Variants in DYSF observed in about 807,000 individuals in gnomAD.
The protein encoded by DYSF is dystrophy-associated fer-1-like 1.
Under a neutral mutation model 274.9 loss-of-function variants are expected in DYSF, and 212 were observed. The observed-to-expected ratio is 0.77, with a 90% confidence interval of 0.69 to 0.86. DYSF has a LOEUF of 0.86. DYSF is among the 40% of genes least tolerant of loss of function. The probability of loss-of-function intolerance (pLI) is 0.00; values close to 1 mark genes in which losing one functional copy is unlikely to be tolerated. For missense variants in DYSF, 2,666 were observed against 2,783.2 expected (o/e 0.96, Z 0.95); for synonymous variants, 1,091 against 1,078.7 (o/e 1.01, Z -0.22).
In DYSF at chr2:71,518,333, T is replaced by C. The variant is rs567372667; in HGVS notation, c.1002+1294T>C. On this transcript the variant is annotated intron_variant, in intron 10 of 55. Coordinates refer to ENST00000410020, the MANE Select transcript of DYSF (RefSeq NM_001130987.2). Reference sequence around the variant, plus strand: ...GTGCAGTGGTGTGATCTCAGCTCACTGCAACCTCTGCTTCCCAGATTCAAG... The same window carrying C: ...GTGCAGTGGTGTGATCTCAGCTCACCGCAACCTCTGCTTCCCAGATTCAAG... Among the ~76,000 whole-genome samples the C allele has an allele frequency of 4.6e-5, 7 of 150,950 alleles. No individual in the cohort carries two copies. The South Asian group carries it at 1.3e-3, about 27-fold the overall frequency.
In DYSF at chr2:71,667,421, G is replaced by A. The variant is rs531935195; in HGVS notation, c.5363G>A (p.Arg1788His). Residue 1788 changes from arginine (R) to histidine (H), a missense_variant, in exon 48 of 56, where the codon CGT becomes CAT. Arg to His is a conservative substitution (Grantham distance 29). Transcript: ENST00000410020. ...CCACACCTGGGCCCAGTGGAGGAGC[G>A]TCTGGCTCTGCATGTGCTTCAGCAG... The part of the protein sequence containing the change: ...PNPHLGPVEE[R>H]LALHVLQQQG... 2.1e-5 allele frequency: 34 copies of A among 1,613,990 alleles called. No homozygotes were observed. The highest frequency in any genetic ancestry group is 8.9e-5 in the East Asian group (4 of 44,876).
chr2:71,532,854 A>G (rs901854663), intron 14 of DYSF, among the ~76,000 whole-genome samples: 1 of 143,502 alleles, frequency 7.0e-6, no homozygotes, highest in Non-Finnish European at 1.6e-5. Context: ...CTATCTATCT[A>G]TCTATCTATC....
At chr2:71,663,170 C>A (rs1371185389) in intron 45 of DYSF, among the ~76,000 whole-genome samples, 1 of 152,094 alleles carries the variant, frequency 6.6e-6, no homozygotes, top group South Asian at 2.1e-4. Flanking sequence ...GGGGAGAGGG[C>A]CCGTCTCATG....
intron 3 of DYSF, among the ~76,000 whole-genome samples, chr2:71,486,004 ACCT>A (rs1451517791): frequency 6.6e-6 from 1 of 151,966 alleles, no homozygotes; most frequent in Non-Finnish European, 1.5e-5. Context: ...TAAATTGAAG[ACCT>A]CCTCACTGCC....
chr2:71,454,698 G>T (rs1038618321), intron 1 of DYSF, among the ~76,000 whole-genome samples: 13 of 152,228 alleles, frequency 8.5e-5, no homozygotes, highest in African/African-American at 3.1e-4. Flanking sequence ...ACGGACCAGT[G>T]GGTGGAGGGA....
intron 54 of DYSF, 29 bp from the exon 55 acceptor site, chr2:71,682,501 C>T: frequency 6.2e-7 from 1 of 1,614,034 alleles, no homozygotes; most frequent in African/African-American, 1.3e-5. Flanking sequence ...TAAAGGATGC[C>T]CAGTTGACCT....
chr2:71,588,708 A>G (rs2093155363), intron 30 of DYSF: 1 of 152,754 alleles, frequency 6.5e-6, no homozygotes, highest in Non-Finnish European at 1.5e-5. Context: ...CCCCTCTGAA[A>G]TGGAGCAGGC....
At chr2:71,525,963 G>A (rs555212558) in intron 12 of DYSF, among the ~76,000 whole-genome samples, 155 of 152,306 alleles carry the variant, frequency 1.0e-3, no homozygotes, top group African/African-American at 3.6e-3. Context: ...TGTGTGCCAC[G>A]TGCATTTACA....
intron 4 of DYSF, among the ~76,000 whole-genome samples, chr2:71,505,892 G>A (rs2085427711): frequency 6.6e-6 from 1 of 152,246 alleles, no homozygotes; most frequent in Non-Finnish European, 1.5e-5. Context: ...GGTCAGGGAA[G>A]CCAGGAGGGC....
At chr2:71,659,275 G>A (rs752957214) in intron 44 of DYSF, among the ~76,000 whole-genome samples, 2 of 152,234 alleles carry the variant, frequency 1.3e-5, no homozygotes, top group Non-Finnish European at 2.9e-5. Flanking sequence ...GAAGGAATAG[G>A]ACTCTTAGGA....
In DYSF at chr2:71,665,184, G is replaced by A; in HGVS notation, c.5197G>A (p.Asp1733Asn). 1 of 1,613,834 alleles carries A rather than the reference G, an allele frequency of 6.2e-7. No individual in the cohort carries two copies. Among genetic ancestry groups the A allele is most frequent in the Non-Finnish European group, 8.5e-7 (1 of 1,180,030 alleles). The change falls in exon 47 of 56, where the codon GAC becomes AAC. Residue 1733 changes from aspartate (D) to asparagine (N), a missense_variant. By Grantham distance (23) the Asp-to-Asn change is conservative. Coordinates refer to ENST00000410020, the MANE Select transcript of DYSF (RefSeq NM_001130987.2). ...CAGCTCTGGACCGAACCAGTGGCGG[G>A]ACCAGCTCCGCCCCTCCCAGCTCCT... The part of the protein sequence containing the change: ...YCVSGPNQWR[D>N]QLRPSQLLHL...
chr2:71,547,212 C>T (rs556883063), intron 17 of DYSF, among the ~76,000 whole-genome samples: 250 of 152,354 alleles, frequency 1.6e-3, no homozygotes, highest in African/African-American at 5.8e-3. Context: ...CCGGGATGGA[C>T]CTTCACACCC....
chr2:71,556,997 A>G (rs141990716), intron 22 of DYSF, among the ~76,000 whole-genome samples: 1 of 152,310 alleles, frequency 6.6e-6, no homozygotes, highest in African/African-American at 2.4e-5. Context: ...TGGCTCAGTT[A>G]GGAAGTGTAT....
intron 41 of DYSF, among the ~76,000 whole-genome samples, chr2:71,641,248 G>A (rs1000796088): frequency 7.3e-6 from 1 of 137,776 alleles, no homozygotes; most frequent in East Asian, 2.1e-4. Flanking sequence ...GCGCAATCTC[G>A]GCTCACTGCA....
chr2:71,471,024 G>A (rs1195862329), intron 1 of DYSF, among the ~76,000 whole-genome samples: 1 of 152,024 alleles, frequency 6.6e-6, no homozygotes, highest in East Asian at 1.9e-4. Flanking sequence ...TCAAACTCCT[G>A]ACATCAGTCA....
intron 36 of DYSF, among the ~76,000 whole-genome samples, chr2:71,606,407 C>T (rs2093648364): frequency 6.6e-6 from 1 of 152,068 alleles, no homozygotes; most frequent in South Asian, 2.1e-4. Context: ...CCTCCATCAA[C>T]CCTAGGACAG....
rs372952394 is a variant in DYSF, at chr2:71,516,241, C to T, written c.950C>T (p.Thr317Met). 81 of 1,613,924 alleles carry T rather than the reference C, an allele frequency of 5.0e-5. No individual in the cohort carries two copies. The highest frequency in any genetic ancestry group is 1.6e-4 in the Middle Eastern group (1 of 6,084). The part of the protein sequence containing the change: ...GELFDEPIFI[T>M]VVDSRSLRTD... ...CTGTTTGATGAGCCCATCTTTATCA[C>T]GGTATGTCTCAGCAGTCAAAGTGTT... Residue 317 changes from threonine to methionine, a missense_variant and splice_region_variant, in exon 9 of 56, where the codon ACG becomes ATG. By Grantham distance (81) the Thr-to-Met change is moderately conservative (BLOSUM62 -1). Coordinates refer to ENST00000410020, the MANE Select transcript of DYSF (RefSeq NM_001130987.2).
At chr2:71,563,915 G>C (rs2152806146) in intron 23 of DYSF, 143 bp from the exon 24 acceptor site, 1 of 1,206,282 alleles carries the variant, frequency 8.3e-7, no homozygotes, top group Non-Finnish European at 1.2e-6. Context: ...CTGGGGGAAG[G>C]CCAGGGTGGA....
Position 71,588,137 on chromosome 2 carries a change from AGC to A in DYSF, c.3403-1454_3403-1453del, listed in dbSNP as rs546348749. On this transcript the variant is annotated intron_variant, in intron 30 of 55. Coordinates refer to ENST00000410020, the MANE Select transcript of DYSF (RefSeq NM_001130987.2). ...GAGTGTGTCTGGGACAGCTTTAAGGAGCGTGGTTTGCCTGAAGCCAAGGGCCG... is the reference window on the plus strand; with the variant it reads ...GAGTGTGTCTGGGACAGCTTTAAGGAGTGGTTTGCCTGAAGCCAAGGGCCG... 1.1e-3 allele frequency among the ~76,000 whole-genome samples: 162 copies of A among 152,160 alleles called. 1 individual carries two copies. Among genetic ancestry groups the A allele is most frequent in the African/African-American group, 3.7e-3 (155 of 41,516 alleles).
Sources: gnomAD v4.1 joint callset for allele counts (sites outside exome capture counted in the v4.1 genomes callset) on GRCh38, gnomAD v4.1.1 for gene constraint, MANE v1.5 for transcripts, NCBI Gene and HGNC (gene_info 2026-07-23, HGNC 2026-07-21) for gene names.